CDHR2: variants seen among roughly 807,000 people sequenced by gnomAD.
CDHR2 encodes cadherin-related family member 2.
A neutral mutation model predicts 138.6 loss-of-function variants in CDHR2; 104 were observed. That is an observed-to-expected ratio of 0.75 (90% CI 0.64 to 0.88). The LOEUF (loss-of-function observed/expected upper bound fraction) is 0.88. CDHR2 is among the 40% of genes least tolerant of loss of function. CDHR2 has a pLI of 0.00. For synonymous variants in CDHR2, 755 were observed against 742.8 expected, an observed-to-expected ratio of 1.02 and a Z score of -0.27; for missense variants, 1,624 against 1,727.6, an observed-to-expected ratio of 0.94 and a Z score of 1.06.
chr5:176,570,480 G>A (rs559853943), intron 5 of CDHR2, among the ~76,000 whole-genome samples: 3 of 152,214 alleles, frequency 2.0e-5, no homozygotes, highest in African/African-American at 7.2e-5. Flanking sequence ...AGCGTAGCTG[G>A]GACTACAGGC....
intron 31 of CDHR2, among the ~76,000 whole-genome samples, chr5:176,594,133 A>G (rs1758958408): frequency 6.6e-6 from 1 of 152,016 alleles, no homozygotes; most frequent in Non-Finnish European, 1.5e-5. Flanking sequence ...GAAGTAGGAG[A>G]AGGGTCTGGA....
chr5:176,560,424 C>T (rs141501876), intron 1 of CDHR2, among the ~76,000 whole-genome samples: 34 of 151,188 alleles, frequency 2.2e-4, no homozygotes, highest in African/African-American at 7.5e-4. Flanking sequence ...AAAAAAAAGA[C>T]GCCAAAAAAG....
At chr5:176,595,962 G>A (rs1275396703), downstream of CDHR2, 2 of 289,486 alleles carry the variant, frequency 6.9e-6, no homozygotes, top group Non-Finnish European at 1.3e-5. Flanking sequence ...AGACAACTGT[G>A]GTTATAGAAT....
chr5:176,588,516 C>T (rs1437699751), intron 21 of CDHR2, among the ~76,000 whole-genome samples: 7 of 119,702 alleles, frequency 5.8e-5, no homozygotes, highest in East Asian at 2.6e-4. Flanking sequence ...TGAGTGTGTG[C>T]ATGTGTGTGA....
chr5:176,547,022 A>G (rs1470471299), upstream of CDHR2, among the ~76,000 whole-genome samples: 3 of 149,352 alleles, frequency 2.0e-5, no homozygotes, highest in Non-Finnish European at 4.4e-5. Flanking sequence ...TCTGTCACCC[A>G]GGCTAGAGTG....
chr5:176,574,414 G>A (rs574448814), intron 7 of CDHR2, among the ~76,000 whole-genome samples: 2 of 152,164 alleles, frequency 1.3e-5, no homozygotes, highest in Admixed American at 6.6e-5. Flanking sequence ...CCCAGGTCTT[G>A]TCCAAATTCC....
chr5:176,548,461 C>T (rs1399746095), upstream of CDHR2, among the ~76,000 whole-genome samples: 1 of 152,154 alleles, frequency 6.6e-6, no homozygotes, highest in Non-Finnish European at 1.5e-5. Flanking sequence ...GCCTGGGGGC[C>T]GAGCTCCGTG....
chr5:176,587,081 A>G (rs1758688286), intron 21 of CDHR2, among the ~76,000 whole-genome samples: 1 of 152,270 alleles, frequency 6.6e-6, no homozygotes, highest in Non-Finnish European at 1.5e-5. Flanking sequence ...ATTTCTTACT[A>G]TACCAGAATT....
At chr5:176,562,472 T>C (rs923465820) in intron 1 of CDHR2, among the ~76,000 whole-genome samples, 2 of 152,020 alleles carry the variant, frequency 1.3e-5, no homozygotes, top group East Asian at 1.9e-4. Flanking sequence ...GGGAGAGTTC[T>C]GGTTTTTGAT....
intron 16 of CDHR2, 26 bp from the exon 17 acceptor site, chr5:176,581,317 T>A: frequency 6.2e-7 from 1 of 1,609,564 alleles, no homozygotes. Flanking sequence ...CGATGGCCGA[T>A]GACCAACCCC....
At chr5:176,557,080 G>T (rs1372676250) in intron 1 of CDHR2, among the ~76,000 whole-genome samples, 1 of 147,682 alleles carries the variant, frequency 6.8e-6, no homozygotes, top group Non-Finnish European at 1.5e-5. Flanking sequence ...CAGTGGGAAG[G>T]TCTTGGCTCC....
At chr5:176,549,498 G>A (rs1379060343) in intron 1 of CDHR2, 84 bp downstream of exon 1, 2 of 152,306 alleles carry the variant, frequency 1.3e-5, no homozygotes, top group African/African-American at 4.8e-5. Context: ...GGCAAGCTTG[G>A]GGGTCTTTAA....
intron 15 of CDHR2, 78 bp downstream of exon 15, chr5:176,578,173 A>G: frequency 1.4e-6 from 2 of 1,413,806 alleles, no homozygotes; most frequent in Non-Finnish European, 2.0e-6. Flanking sequence ...GCAGAGATAG[A>G]ATAGCTGGGG....
chr5:176,569,593 T>TA (rs1758176705), intron 5 of CDHR2, among the ~76,000 whole-genome samples: 1 of 152,214 alleles, frequency 6.6e-6, no homozygotes, highest in African/African-American at 2.4e-5. Context: ...AAATGTATTA[T>TA]TAATGTATAT....
chr5:176,565,566 G>A (rs1015501699), intron 2 of CDHR2, 106 bp from the exon 3 acceptor site: 10 of 1,201,004 alleles, frequency 8.3e-6, no homozygotes, highest in Admixed American at 7.7e-5. Context: ...AGGCCTGGAC[G>A]GGTGGCCTGG....
At chr5:176,577,932 C>T (rs1581142979) in intron 14 of CDHR2, 102 bp from the exon 15 acceptor site, 1 of 1,494,150 alleles carries the variant, frequency 6.7e-7, no homozygotes, top group Non-Finnish European at 9.2e-7. Context: ...GGGGATTCTC[C>T]CTTTGTGTGA....
chr5:176,591,480 G>C lies in CDHR2; in HGVS notation c.3730G>C (p.Val1244Leu). 1.2e-6 allele frequency: 2 copies of C among 1,611,528 alleles called. No homozygotes were observed. Among genetic ancestry groups the C allele is most frequent in the Non-Finnish European group, 1.7e-6 (2 of 1,177,856 alleles). ...YLSPSNDLDS[V>L]SVNSLDDNSV... ...CTCTCCCTCCAATGACCTGGACTCT[G>C]TCAGGTGAGCAGTGCCCCTCACAGC... The change falls in exon 30 of 32, where the codon GTC (valine) becomes CTC (leucine). Residue 1244 changes from valine to leucine, a missense_variant. Transcript: ENST00000261944.
Position 176,543,071 on chromosome 5 carries a change from G to A in CDHR2, c.-16+302G>A, listed in dbSNP as rs889620305. 3.3e-5 allele frequency among the ~76,000 whole-genome samples: 5 copies of A among 151,934 alleles called. No individual in the cohort carries two copies. The highest frequency in any genetic ancestry group is 5.9e-5 in the Non-Finnish European group (4 of 67,832). ...GTTGGGGCGTTTGGACCTAGCGGACGGGGAGAAGAGCGGCGCAGCTCCCGC... is the reference window on the plus strand; with the variant it reads ...GTTGGGGCGTTTGGACCTAGCGGACAGGGAGAAGAGCGGCGCAGCTCCCGC... On this transcript the variant is annotated intron_variant, in intron 1 of 31. Transcript: ENST00000510636. The surrounding 1 kb of genome is among the most constrained non-coding windows in gnomAD (Gnocchi z 4.0).
At chr5:176,546,840 C>T (rs771726266), upstream of CDHR2, among the ~76,000 whole-genome samples, 1 of 151,590 alleles carries the variant, frequency 6.6e-6, no homozygotes, top group Non-Finnish European at 1.5e-5. Flanking sequence ...TTGTAATAGT[C>T]GCATCGAGCG....
Sources: gnomAD v4.1 joint callset for allele counts (sites outside exome capture counted in the v4.1 genomes callset) on GRCh38, gnomAD v4.1.1 for gene constraint, Gnocchi (gnomAD v3.1) non-coding constraint, MANE v1.5 for transcripts, NCBI Gene and HGNC (gene_info 2026-07-23, HGNC 2026-07-21) for gene names.